Variants in SIN3B observed in about 807,000 individuals in gnomAD.
SIN3B encodes the protein paired amphipathic helix protein Sin3b.
In SIN3B, 19 loss-of-function variants were observed where a neutral mutation model predicts 120.2. That is an observed-to-expected ratio of 0.16 (90% CI 0.11 to 0.23). SIN3B has a LOEUF of 0.23. Among genes scored for constraint, SIN3B ranks in the 10% least tolerant of loss-of-function variants. SIN3B has a pLI of 1.00. For missense variants in SIN3B, 1,073 were observed against 1,573.0 expected (o/e 0.68, Z 5.38); for synonymous variants, 654 against 653.2 (o/e 1.00, Z -0.02).
At chr19:16,836,041 A>T (rs1266735373) in intron 3 of SIN3B, among the ~76,000 whole-genome samples, 1 of 152,164 alleles carries the variant, frequency 6.6e-6, no homozygotes, top group Non-Finnish European at 1.5e-5. Flanking sequence ...ACAAGTAGGG[A>T]GTGGCCCATA....
At chr19:16,864,338 A>AT (rs1971731212) in intron 10 of SIN3B, among the ~76,000 whole-genome samples, 1 of 151,794 alleles carries the variant, frequency 6.6e-6, no homozygotes, top group Non-Finnish European at 1.5e-5. Flanking sequence ...TTTTTATTTT[A>AT]TTTATTTATT....
At chr19:16,837,800 G>A (rs907401329) in intron 3 of SIN3B, among the ~76,000 whole-genome samples, 3 of 152,096 alleles carry the variant, frequency 2.0e-5, no homozygotes, top group Admixed American at 1.3e-4. Flanking sequence ...TGAGAAGTCT[G>A]GGCTGATCTC....
At chr19:16,877,693 G>A in intron 17 of SIN3B, 54 bp downstream of exon 17, 3 of 1,253,084 alleles carry the variant, frequency 2.4e-6, no homozygotes, top group Non-Finnish European at 3.4e-6. Flanking sequence ...CCCAGGGAGT[G>A]TCCCCTTTGT....
chr19:16,848,987 A>G, intron 5 of SIN3B, among the ~76,000 whole-genome samples: 1 of 152,242 alleles, frequency 6.6e-6, no homozygotes, highest in East Asian at 1.9e-4. Context: ...TAGCTCAGTC[A>G]GTAGAGCATG....
chr19:16,847,299 G>C (rs372083094), intron 5 of SIN3B, among the ~76,000 whole-genome samples, 186 bp downstream of exon 5: 2 of 152,202 alleles, frequency 1.3e-5, no homozygotes, highest in Non-Finnish European at 2.9e-5. Flanking sequence ...CAGCAAGCTC[G>C]TAAACGATTT....
At chr19:16,855,251 C>G (rs1447362387) in intron 8 of SIN3B, 2 of 152,044 alleles carry the variant, frequency 1.3e-5, no homozygotes, top group African/African-American at 2.4e-5. Flanking sequence ...CCTTTTATCT[C>G]CATCCCAAAA....
intron 6 of SIN3B, 151 bp downstream of exon 6, chr19:16,851,685 A>G (rs1431673855): frequency 3.0e-6 from 3 of 995,670 alleles, no homozygotes; most frequent in African/African-American, 1.7e-5. Context: ...GACCGTTGGA[A>G]GTCAGCTCTC....
Position 16,865,313 on chromosome 19 carries a change from C to CCG in SIN3B, c.1384-96_1384-95insGC, listed in dbSNP as rs1555743008. On this transcript the variant is annotated intron_variant, in intron 10 of 18. Transcript: ENST00000248054. ...TATCTCTTAAATACACACACCCCCCCCCCAAAAAAATCCTCTGGTCTCTGA... is the reference window on the plus strand; with the variant it reads ...TATCTCTTAAATACACACACCCCCCCCGCCCAAAAAAATCCTCTGGTCTCTGA... The CCG allele has an allele frequency of 2.5e-4, 141 of 556,692 alleles. 9 individuals are homozygous for CCG. Among genetic ancestry groups the CCG allele is most frequent in the Non-Finnish European group, 3.9e-4 (119 of 304,746 alleles). The allele number at this position is 556,692 out of a possible 1,614,324, so 34.5% of individuals were successfully genotyped here. A position where few individuals can be genotyped will look rare whatever the true frequency, so the allele number is the denominator to read the frequency against.
At position 16,857,870 on chromosome 19, in the gene SIN3B, T is replaced by C. The variant is rs933646268; in HGVS notation, c.1058+3609T>C. 5.7e-4 allele frequency among the ~76,000 whole-genome samples: 83 copies of C among 146,118 alleles called. No individual in the cohort carries two copies. The South Asian group carries it at 6.3e-3, about 11-fold the overall frequency. On this transcript the variant is annotated intron_variant, in intron 8 of 18. Coordinates refer to ENST00000248054, the MANE Select transcript of SIN3B (RefSeq NM_001297595.2). ...TGCTTTGCTTCTTTTCTCTTCTCTT[T>C]TCTTTTCTTTTCTTTTCTTTTTTTG...
At chr19:16,847,804 G>T (rs1377040501) in intron 5 of SIN3B, among the ~76,000 whole-genome samples, 2 of 152,148 alleles carry the variant, frequency 1.3e-5, no homozygotes, top group Non-Finnish European at 2.9e-5. Flanking sequence ...CAATTCCATG[G>T]CATGTGGTAC....
rs1971279396 is a variant in SIN3B at position 16,831,607 on chromosome 19, A to G, written c.341A>G (p.Lys114Arg). The G allele has an allele frequency of 6.2e-7, 1 of 1,614,130 alleles. No homozygotes were observed. The stretch of plus-strand genomic sequence containing the variant: ...CTCGGATATAGAATAGACATTCCCA[A>G]GAATGGCAAGTTAAACATACAGTCG... ...LPLGYRIDIP[K>R]NGKLNIQSPL... Residue 114 changes from lysine to arginine, a missense_variant, in exon 3 of 19, where the codon AAG (lysine) becomes AGG (arginine). Physicochemically the swap from Lys to Arg is conservative, Grantham distance 26. Coordinates refer to ENST00000248054, the MANE Select transcript of SIN3B (RefSeq NM_001297595.2).
chr19:16,832,500 CT>C lies in SIN3B; in HGVS notation c.381+871del, dbSNP rs769025487. Among the ~76,000 whole-genome samples the C allele has an allele frequency of 6.2e-3, 809 of 129,478 alleles. 1 individual carries two copies. Among genetic ancestry groups the C allele is most frequent in the African/African-American group, 9.1e-3 (321 of 35,104 alleles). The allele number at this position is 129,478 out of a possible 152,430, so 84.9% of individuals were successfully genotyped here. A position where few individuals can be genotyped will look rare whatever the true frequency, so the allele number is the denominator to read the frequency against. ...GGCGTGAGCCACCGTGCCCAGCCTC[CT>C]TTTTTTTTTTTTTTTTTAAGACAGG... On this transcript the variant is annotated intron_variant, in intron 3 of 18. Coordinates refer to ENST00000248054, the MANE Select transcript of SIN3B (RefSeq NM_001297595.2).
rs544943623 is a variant in SIN3B at position 16,873,795 on chromosome 19, C to T, written c.2593-2260C>T. Among the ~76,000 whole-genome samples, 30 of 152,366 alleles carry T rather than the reference C, an allele frequency of 2.0e-4. No individual in the cohort carries two copies. The South Asian group carries it at 6.0e-3, about 31-fold the overall frequency. On this transcript the variant is annotated intron_variant, in intron 14 of 18. Transcript: ENST00000248054. The stretch of plus-strand genomic sequence containing the variant: ...ACACCCCAGCTGCATCTCCCTGGGC[C>T]AGGTGCTCACTGCGGGCCCCTCCAC...
At chr19:16,877,293 G>C in intron 16 of SIN3B, 1 of 508,512 alleles carries the variant, frequency 2.0e-6, no homozygotes, top group Non-Finnish European at 3.5e-6. Flanking sequence ...TGCTCTTCCA[G>C]CTTCCGGGGG....
chr19:16,834,531 T>C (rs1259095083), intron 3 of SIN3B, among the ~76,000 whole-genome samples: 2 of 152,228 alleles, frequency 1.3e-5, no homozygotes, highest in African/African-American at 4.8e-5. Context: ...CCCATCGACT[T>C]GGGGAAAGGC....
chr19:16,873,488 G>T (rs58792724), intron 14 of SIN3B, among the ~76,000 whole-genome samples: 1 of 151,490 alleles, frequency 6.6e-6, no homozygotes, highest in Non-Finnish European at 1.5e-5. Flanking sequence ...GGGAAGTGAC[G>T]CAGGGGACGC....
At chr19:16,864,597 G>T (rs1258477086) in intron 10 of SIN3B, among the ~76,000 whole-genome samples, 1 of 151,926 alleles carries the variant, frequency 6.6e-6, no homozygotes, top group African/African-American at 2.4e-5. Flanking sequence ...CTTCCAAAGT[G>T]CTGAGATTAA....
At chr19:16,829,754 C>T (rs1201244736) in intron 1 of SIN3B, 37 bp from the exon 2 acceptor site, 11 of 1,549,916 alleles carry the variant, frequency 7.1e-6, no homozygotes, top group Non-Finnish European at 9.8e-6. Context: ...CCTCGTTCCG[C>T]GGCCAGGGCC....
At chr19:16,840,721 A>C (rs374409216) in intron 3 of SIN3B, among the ~76,000 whole-genome samples, 1 of 152,318 alleles carries the variant, frequency 6.6e-6, no homozygotes, top group South Asian at 2.1e-4. Context: ...TCACCTGATC[A>C]TCCCCAACAG....
Sources: allele counts gnomAD v4.1 joint callset (sites outside exome capture counted in the v4.1 genomes callset), GRCh38; gene constraint gnomAD v4.1.1; transcripts MANE v1.5; gene names NCBI Gene and HGNC (gene_info 2026-07-23, HGNC 2026-07-21).